The following HMGB1 variants were observed in gnomAD, a reference collection of about 807,000 sequenced individuals.
The protein encoded by HMGB1 is high mobility group protein B1.
For missense variants in HMGB1, 79 were observed against 253.5 expected, an observed-to-expected ratio of 0.31 and a Z score of 4.67; for synonymous variants, 81 against 84.0, an observed-to-expected ratio of 0.96 and a Z score of 0.19.
chr13:30,518,712 T>G (rs1888154868), intron 1 of HMGB1, among the ~76,000 whole-genome samples: 1 of 144,162 alleles, frequency 6.9e-6, no homozygotes, highest in Non-Finnish European at 1.5e-5. Flanking sequence ...CATAGAAACC[T>G]TTTTTTTTTT....
intron 1 of HMGB1, among the ~76,000 whole-genome samples, chr13:30,577,087 A>T (rs1387595105): frequency 1.3e-5 from 2 of 152,140 alleles, no homozygotes; most frequent in African/African-American, 2.4e-5. Context: ...TCACACCTGT[A>T]ATCCCAGTAT....
At chr13:30,580,250 A>G (rs1051204580) in intron 1 of HMGB1, among the ~76,000 whole-genome samples, 3 of 152,290 alleles carry the variant, frequency 2.0e-5, no homozygotes, top group Admixed American at 6.5e-5. Flanking sequence ...AAAAAGAAAT[A>G]TAAGTTCTGC....
chr13:30,598,811 A>G (rs568101274), intron 1 of HMGB1, among the ~76,000 whole-genome samples: 8 of 152,320 alleles, frequency 5.3e-5, no homozygotes, highest in African/African-American at 1.9e-4. Context: ...AACAGCATCT[A>G]TAATCCATCC....
intron 1 of HMGB1, among the ~76,000 whole-genome samples, chr13:30,579,545 T>C (rs1442109561): frequency 6.6e-6 from 1 of 152,148 alleles, no homozygotes; most frequent in Non-Finnish European, 1.5e-5. Flanking sequence ...GAAAAGTAAA[T>C]GTGTTAGATA....
chr13:30,488,703 G>A (rs1444660797), intron 1 of HMGB1, among the ~76,000 whole-genome samples: 7 of 146,940 alleles, frequency 4.8e-5, no homozygotes, highest in Non-Finnish European at 8.9e-5. Flanking sequence ...ATTACTTTTA[G>A]ATACAGGGTC....
intron 1 of HMGB1, among the ~76,000 whole-genome samples, chr13:30,572,682 C>A (rs1870485622): frequency 1.3e-5 from 2 of 152,188 alleles, no homozygotes; most frequent in Non-Finnish European, 2.9e-5. Context: ...GGATCAGGAA[C>A]AAAGTGAATG....
chr13:30,556,003 T>G (rs1298326349), intron 1 of HMGB1, among the ~76,000 whole-genome samples: 1 of 152,238 alleles, frequency 6.6e-6, no homozygotes, highest in Non-Finnish European at 1.5e-5. Flanking sequence ...ATGGGAGAAG[T>G]GTCCAAAAGT....
chr13:30,534,341 T>TC (rs767561063), intron 1 of HMGB1, among the ~76,000 whole-genome samples: 5 of 152,178 alleles, frequency 3.3e-5, no homozygotes, highest in Admixed American at 2.6e-4. Flanking sequence ...CTCCCATGGC[T>TC]CCCTTCTTTG....
chr13:30,464,379 G>A (rs1397472742), intron 1 of HMGB1: 2 of 985,364 alleles, frequency 2.0e-6, no homozygotes, highest in East Asian at 1.1e-4. Flanking sequence ...AGGGACAAAA[G>A]CCACTCCTGC....
At chr13:30,499,343 T>C (rs959593360) in intron 1 of HMGB1, among the ~76,000 whole-genome samples, 1 of 152,208 alleles carries the variant, frequency 6.6e-6, no homozygotes, top group African/African-American at 2.4e-5. Flanking sequence ...TAACTACAAC[T>C]GAATGATAGG....
intron 1 of HMGB1, among the ~76,000 whole-genome samples, chr13:30,612,424 G>A (rs1256237961): frequency 6.6e-6 from 1 of 152,182 alleles, no homozygotes; most frequent in Non-Finnish European, 1.5e-5. Flanking sequence ...GGTAGCTAAG[G>A]CCTTAAAGCA....
intron 1 of HMGB1, among the ~76,000 whole-genome samples, chr13:30,560,947 T>C (rs547877778): frequency 1.3e-5 from 2 of 152,008 alleles, no homozygotes; most frequent in Non-Finnish European, 2.9e-5. Flanking sequence ...ATATGTTTTT[T>C]TTTTTTTCTC....
intron 1 of HMGB1, among the ~76,000 whole-genome samples, chr13:30,476,256 A>C (rs1244655119): frequency 4.0e-5 from 6 of 151,252 alleles, no homozygotes; most frequent in Non-Finnish European, 7.4e-5. Flanking sequence ...GCTCAAGCTC[A>C]GCCTCCCGAG....
At chr13:30,465,388 GCCGCCGCCGCCGAGCCGCGCCGGCC>G (rs1182620222) in intron 1 of HMGB1, 2 of 140,166 alleles carry the variant, frequency 1.4e-5, no homozygotes, top group Non-Finnish European at 3.1e-5. Flanking sequence ...CTGCCCTCCC[GCCGCCGCCGCCGAGCCGCGCCGGCC>G]CCGCCGCCCC....
At chr13:30,507,758 C>G (rs952887352) in intron 1 of HMGB1, among the ~76,000 whole-genome samples, 1 of 152,140 alleles carries the variant, frequency 6.6e-6, no homozygotes, top group South Asian at 2.1e-4. Flanking sequence ...GCTTGGGAGG[C>G]TGAAGTGGGA....
intron 1 of HMGB1, among the ~76,000 whole-genome samples, chr13:30,504,019 A>G (rs1593279405): frequency 2.0e-5 from 1 of 50,730 alleles, no homozygotes; most frequent in African/African-American, 3.1e-5. Context: ...GGAAAAAATC[A>G]CCATTTTTTT....
At chr13:30,580,831 G>A (rs186530283) in intron 1 of HMGB1, among the ~76,000 whole-genome samples, 1 of 152,304 alleles carries the variant, frequency 6.6e-6, no homozygotes, top group African/African-American at 2.4e-5. Flanking sequence ...TTGCTCAATA[G>A]CTTGTCTTTA....
At chr13:30,560,602 C>A (rs1488480795) in intron 1 of HMGB1, among the ~76,000 whole-genome samples, 1 of 152,076 alleles carries the variant, frequency 6.6e-6, no homozygotes, top group African/African-American at 2.4e-5. Flanking sequence ...CAGACAAAGG[C>A]CGATATCAAT....
intron 1 of HMGB1, among the ~76,000 whole-genome samples, chr13:30,496,779 T>A (rs1282510873): frequency 6.6e-6 from 1 of 152,184 alleles, no homozygotes; most frequent in East Asian, 1.9e-4. Flanking sequence ...AAGACTCAGT[T>A]GAATGTGTTT....
Sources: allele counts gnomAD v4.1 joint callset (sites outside exome capture counted in the v4.1 genomes callset), GRCh38; gene constraint gnomAD v4.1.1; transcripts MANE v1.5; gene names NCBI Gene and HGNC (gene_info 2026-07-23, HGNC 2026-07-21).